MYOF: variants seen among roughly 807,000 people sequenced by gnomAD.
MYOF encodes the protein fer-1-like 3, myoferlin.
Under a neutral mutation model 284.2 loss-of-function variants are expected in MYOF, and 244 were observed. The observed-to-expected ratio is 0.86, with a 90% CI of 0.77 to 0.95. MYOF has a LOEUF of 0.95. MYOF is among the 40% of genes least tolerant of loss of function. The probability of loss-of-function intolerance (pLI) is 0.00; values close to 1 mark genes in which losing one functional copy is unlikely to be tolerated. For missense variants in MYOF, 2,496 were observed against 2,560.6 expected, an observed-to-expected ratio of 0.97 and a Z score of 0.54; for synonymous variants, 904 against 919.7, an observed-to-expected ratio of 0.98 and a Z score of 0.31.
At chr10:93,309,413 C>T (rs983192832) in intron 53 of MYOF, among the ~76,000 whole-genome samples, 2 of 152,168 alleles carry the variant, frequency 1.3e-5, no homozygotes, top group African/African-American at 4.8e-5. Context: ...CACTTGGACT[C>T]CCGTTTATGA....
Position 93,402,359 on chromosome 10 carries a change from A to T in MYOF, c.875-12T>A, listed in dbSNP as rs779644386. 8 of 1,587,076 alleles carry T rather than the reference A, an allele frequency of 5.0e-6. No homozygotes were observed. The highest frequency in any genetic ancestry group is 1.7e-5 in the Admixed American group (1 of 59,966). On this transcript the variant is annotated splice_polypyrimidine_tract_variant and intron_variant, in intron 10 of 53. Transcript: ENST00000359263. ...CATGACAGCATGGCCTAAAATAGAGAAGGAGTAAAAGGAAATGGACATGCT... is the reference window on the plus strand; with the variant it reads ...CATGACAGCATGGCCTAAAATAGAGTAGGAGTAAAAGGAAATGGACATGCT...
At chr10:93,410,614 CCT>C (rs927935412) in intron 5 of MYOF, among the ~76,000 whole-genome samples, 3 of 152,182 alleles carry the variant, frequency 2.0e-5, no homozygotes, top group African/African-American at 7.2e-5. Flanking sequence ...TACTACCTCT[CCT>C]CTTTCTTTTA....
At chr10:93,469,666 C>A (rs1589616677) in intron 1 of MYOF, among the ~76,000 whole-genome samples, 2 of 152,162 alleles carry the variant, frequency 1.3e-5, no homozygotes, top group Admixed American at 6.5e-5. Context: ...AGCAGCAGAG[C>A]CCAGATTGCC....
chr10:93,349,755 C>G, intron 36 of MYOF, 53 bp downstream of exon 36: 9 of 1,567,674 alleles, frequency 5.7e-6, no homozygotes, highest in East Asian at 2.3e-5. Context: ...GTGTGAGGCA[C>G]ATACTTTCAT....
chr10:93,383,235 T>C (rs551074374), intron 19 of MYOF, among the ~76,000 whole-genome samples: 2 of 152,324 alleles, frequency 1.3e-5, no homozygotes, highest in African/African-American at 4.8e-5. Context: ...TAAGAACTTC[T>C]GACAGTGACT....
chr10:93,370,107 C>G (rs1845516700), intron 24 of MYOF, among the ~76,000 whole-genome samples: 1 of 152,042 alleles, frequency 6.6e-6, no homozygotes, highest in South Asian at 2.1e-4. Context: ...GCAAAAGCAA[C>G]AGTGGAAAAA....
intron 39 of MYOF, among the ~76,000 whole-genome samples, chr10:93,339,043 T>C (rs1843753686): frequency 8.3e-6 from 1 of 120,490 alleles, no homozygotes; most frequent in Non-Finnish European, 1.7e-5. Context: ...AGACGGAGTC[T>C]CACTCTGTTG....
chr10:93,310,284 C>T, intron 52 of MYOF, 117 bp from the exon 53 acceptor site: 3 of 1,294,828 alleles, frequency 2.3e-6, no homozygotes, highest in South Asian at 2.9e-5. Context: ...AGAAAAAATA[C>T]TGTTCCCCTT....
Position 93,351,232 on chromosome 10 carries a change from C to G in MYOF, c.3886G>C (p.Gly1296Arg), listed in dbSNP as rs1357348343. 3 of 1,613,996 alleles carry G rather than the reference C, an allele frequency of 1.9e-6. No individual in the cohort carries two copies. Residue 1296 changes from glycine (G) to arginine (R), a missense_variant, in exon 35 of 54, where the codon GGG (glycine) becomes CGG (arginine). Transcript: ENST00000359263. ...RAPNLYMVPQ[G>R]IRPVVQLTAI... is the part of the protein sequence containing the mutation. ...GTGAGCTGGACCACAGGCCTGATCCCCTGGGGGACCATGTATAGATTTGGC... is the reference window on the plus strand; with the variant it reads ...GTGAGCTGGACCACAGGCCTGATCCGCTGGGGGACCATGTATAGATTTGGC...
Position 93,414,933 on chromosome 10 carries a change from G to A in MYOF, c.434-5194C>T, listed in dbSNP as rs1046469516. 3.3e-5 allele frequency among the ~76,000 whole-genome samples: 5 copies of A among 152,056 alleles called. No individual in the cohort carries two copies. In the South Asian group the frequency reaches 6.2e-4, roughly 19 times the overall value. Reference sequence around the variant, plus strand: ...TAATTTTTGTATTTTTAGTAGAGACGGGGTTTCGCCATGTTGGCCAGGCTG... The same window carrying A: ...TAATTTTTGTATTTTTAGTAGAGACAGGGTTTCGCCATGTTGGCCAGGCTG... On this transcript the variant is annotated intron_variant, in intron 5 of 53. Coordinates refer to ENST00000359263, the MANE Select transcript of MYOF (RefSeq NM_013451.4).
At chr10:93,321,234 C>T (rs1842827194) in intron 48 of MYOF, among the ~76,000 whole-genome samples, 2 of 152,050 alleles carry the variant, frequency 1.3e-5, no homozygotes, top group Admixed American at 6.6e-5. Flanking sequence ...AGTCTGATTG[C>T]GAAGTCCACA....
intron 22 of MYOF, 47 bp downstream of exon 22, chr10:93,377,276 A>G (rs777723969): frequency 5.5e-6 from 7 of 1,263,760 alleles, no homozygotes; most frequent in Non-Finnish European, 8.1e-6. Context: ...AATTTCAGGG[A>G]GGAGCGCCTG....
intron 3 of MYOF, among the ~76,000 whole-genome samples, chr10:93,438,144 C>T (rs1055605042): frequency 1.5e-4 from 23 of 152,132 alleles, no homozygotes; most frequent in Non-Finnish European, 1.8e-4. Context: ...TTGGGTTAGC[C>T]AGAATCCCCC....
intron 32 of MYOF, among the ~76,000 whole-genome samples, chr10:93,352,119 C>T (rs1479472631): frequency 6.6e-6 from 1 of 152,162 alleles, no homozygotes; most frequent in Non-Finnish European, 1.5e-5. Context: ...TTTTTCTCTG[C>T]AAAAGTACTG....
At chr10:93,403,915 C>G (rs1847419104) in intron 9 of MYOF, 108 bp downstream of exon 9, 1 of 1,209,362 alleles carries the variant, frequency 8.3e-7, no homozygotes, top group Admixed American at 1.7e-5. Flanking sequence ...ATGCTGAACC[C>G]TTACACATTC....
intron 1 of MYOF, among the ~76,000 whole-genome samples, chr10:93,471,627 G>A (rs1359712133): frequency 1.3e-5 from 2 of 152,162 alleles, no homozygotes; most frequent in African/African-American, 4.8e-5. Context: ...GGTGCCTCAC[G>A]CCTGTAATCC....
At chr10:93,339,592 C>CAG (rs1843787639) in intron 39 of MYOF, among the ~76,000 whole-genome samples, 1 of 151,890 alleles carries the variant, frequency 6.6e-6, no homozygotes, top group Non-Finnish European at 1.5e-5. Context: ...GCCTCAGCCT[C>CAG]CCGAAAATCT....
intron 3 of MYOF, among the ~76,000 whole-genome samples, chr10:93,448,221 T>C (rs1294858562): frequency 2.7e-5 from 4 of 150,538 alleles, no homozygotes; most frequent in Non-Finnish European, 3.0e-5. Context: ...AACCCCCCAA[T>C]GAACTGCATG....
chr10:93,308,445 T>A (rs993423283), intron 53 of MYOF, among the ~76,000 whole-genome samples: 2 of 147,316 alleles, frequency 1.4e-5, no homozygotes, highest in Non-Finnish European at 3.0e-5. Flanking sequence ...ATTGGCAGGG[T>A]GTGGTGGCAG....
Sources: allele counts gnomAD v4.1 joint callset (sites outside exome capture counted in the v4.1 genomes callset), GRCh38; gene constraint gnomAD v4.1.1; transcripts MANE v1.5; gene names NCBI Gene and HGNC (gene_info 2026-07-23, HGNC 2026-07-21).